The following ABHD5 variants were observed in gnomAD, a reference collection of about 807,000 sequenced individuals.
ABHD5 encodes abhydrolase domain containing 5, lysophosphatidic acid acyltransferase, also known as 1-acylglycerol-3-phosphate O-acyltransferase ABHD5.
A neutral mutation model predicts 44.9 loss-of-function variants in ABHD5; 30 were observed. That is an observed-to-expected ratio of 0.67 (90% CI 0.50 to 0.91). ABHD5 has a LOEUF of 0.91. Ranked by LOEUF, ABHD5 falls within the 40% of genes least tolerant of loss-of-function variation. The probability of loss-of-function intolerance (pLI) is 0.00; values close to 1 mark genes in which losing one functional copy is unlikely to be tolerated. For missense variants in ABHD5, 399 were observed against 423.4 expected, an observed-to-expected ratio of 0.94 and a Z score of 0.50; for synonymous variants, 167 against 147.0, an observed-to-expected ratio of 1.14 and a Z score of -0.99.
intron 1 of ABHD5, chr3:43,691,452 T>A (rs2084381780): frequency 1.3e-5 from 2 of 158,028 alleles, no homozygotes; most frequent in African/African-American, 2.4e-5. Context: ...TGCACCTGAC[T>A]GCGAGGCGCG....
At chr3:43,696,567 T>G (rs1015816886) in intron 1 of ABHD5, among the ~76,000 whole-genome samples, 1 of 152,120 alleles carries the variant, frequency 6.6e-6, no homozygotes, top group African/African-American at 2.4e-5. Context: ...GATGGGTAAG[T>G]TTTAAAGGGT....
In ABHD5 at chr3:43,719,665, A is replaced by G. The variant is rs1421382467; in HGVS notation, c.*1133A>G. On this transcript the variant is annotated 3_prime_UTR_variant, in exon 7 of 7. Transcript: ENST00000644371. ...TTGAACTATTTTTTTAGGAACTACC[A>G]TCAAGTGTAGCATTTTCTTGCAGTT... 1 of 152,228 alleles carries G rather than the reference A, an allele frequency of 6.6e-6. No individual in the cohort carries two copies. Among genetic ancestry groups the G allele is most frequent in the African/African-American group, 2.4e-5 (1 of 41,458 alleles). 9.4% of individuals were successfully genotyped at this position (152,228 alleles called of 1,614,324 possible).
chr3:43,719,764 C>T lies in ABHD5; in HGVS notation c.*1232C>T, dbSNP rs1484405244. On this transcript the variant is annotated 3_prime_UTR_variant, in exon 7 of 7. Transcript: ENST00000644371. ...ACTGGCTGCTGAGAAAACCCTTCAC[C>T]AAAAAAATAAATAAAAATTGAATAG... The T allele has an allele frequency of 6.6e-6, 1 of 151,912 alleles. No homozygotes were observed. Among genetic ancestry groups the T allele is most frequent in the African/African-American group, 2.4e-5 (1 of 41,354 alleles). The allele number at this position is 151,912 out of a possible 1,614,324, so 9.4% of individuals were successfully genotyped here. A position where few individuals can be genotyped will look rare whatever the true frequency, so the allele number is the denominator to read the frequency against.
chr3:43,711,452 C>G (rs551353908), intron 3 of ABHD5, among the ~76,000 whole-genome samples: 1 of 152,120 alleles, frequency 6.6e-6, no homozygotes, highest in Non-Finnish European at 1.5e-5. Context: ...CAGTTCTGTA[C>G]TCTATATATC....
At chr3:43,718,087 A>G (rs1165045144) in intron 6 of ABHD5, among the ~76,000 whole-genome samples, 1 of 152,202 alleles carries the variant, frequency 6.6e-6, no homozygotes, top group Non-Finnish European at 1.5e-5. Flanking sequence ...CCCTAGAGCC[A>G]CAGCATTAGG....
At chr3:43,690,886 A>G, upstream of ABHD5, 1 of 1,276,578 alleles carries the variant, frequency 7.8e-7, no homozygotes, top group Non-Finnish European at 1.0e-6. Context: ...CGGAAGACGC[A>G]TGCGCTGGCG....
rs146054985 is a variant in ABHD5, at chr3:43,732,963, C to T, written c.*30-917C>T. 2.4e-3 allele frequency among the ~76,000 whole-genome samples: 371 copies of T among 152,334 alleles called. 1 individual carries two copies. Among genetic ancestry groups the T allele is most frequent in the African/African-American group, 8.7e-3 (361 of 41,570 alleles). ...TTGGTAGCTGTCCATCTGCTGAAGG[C>T]CACCTTCAGTTTGTTTCCACGTGAA... On this transcript the variant is annotated intron_variant, in intron 7 of 7. Coordinates refer to the ABHD5 transcript ENST00000454293.
At chr3:43,715,105 G>GTGTA in intron 5 of ABHD5, 47 bp downstream of exon 5, 2 of 1,184,510 alleles carry the variant, frequency 1.7e-6, no homozygotes, top group African/African-American at 1.5e-5. Context: ...GTGTGTGTGT[G>GTGTA]TGTGTGTGTG....
intron 3 of ABHD5, among the ~76,000 whole-genome samples, chr3:43,704,384 A>G (rs1003306345): frequency 9.9e-5 from 15 of 152,082 alleles, no homozygotes; most frequent in Admixed American, 3.9e-4. Context: ...ACAAACACCT[A>G]TTTGCATTTA....
downstream of ABHD5, among the ~76,000 whole-genome samples, chr3:43,726,246 C>A (rs1473044061): frequency 6.6e-6 from 1 of 152,152 alleles, no homozygotes; most frequent in African/African-American, 2.4e-5. Flanking sequence ...GGCCAAGATA[C>A]CAGACACGAA....
chr3:43,714,137 C>CTTTTTTTTTTTTTTTTT (rs542982546), intron 4 of ABHD5, among the ~76,000 whole-genome samples: 2 of 136,890 alleles, frequency 1.5e-5, no homozygotes, highest in African/African-American at 5.6e-5. Context: ...TTCTTTTTTT[C>CTTTTTTTTTTTTTTTTT]TTTTTTTTTT....
At position 43,704,037 on chromosome 3, in the gene ABHD5, T is replaced by C. The variant is rs540547129; in HGVS notation, c.506+1450T>C. ...TGGGGTTACTTTCTTTATTTTCTTT[T>C]TTTTTTTTTTTTTTTTTTGAGCCGG... On this transcript the variant is annotated intron_variant, in intron 3 of 6. Transcript: ENST00000644371. 2.8e-3 allele frequency among the ~76,000 whole-genome samples: 364 copies of C among 131,016 alleles called. 2 individuals carry two copies. The highest frequency in any genetic ancestry group is 0.01 in the African/African-American group (353 of 34,816). The allele number at this position is 131,016 out of a possible 152,430, so 86.0% of individuals were successfully genotyped here.
chr3:43,692,550 C>T (rs1168710635), intron 1 of ABHD5, among the ~76,000 whole-genome samples: 2 of 152,168 alleles, frequency 1.3e-5, no homozygotes, highest in African/African-American at 2.4e-5. Context: ...GCTGATCAGC[C>T]ATAGTTTCTA....
chr3:43,709,697 C>T (rs758475361), intron 3 of ABHD5, among the ~76,000 whole-genome samples: 1 of 152,224 alleles, frequency 6.6e-6, no homozygotes, highest in African/African-American at 2.4e-5. Flanking sequence ...TCTACTCATA[C>T]CCCTGTTAGG....
rs186484499 is a variant in ABHD5 at position 43,720,771 on chromosome 3, A to G, written c.*2239A>G. On this transcript the variant is annotated 3_prime_UTR_variant, in exon 7 of 7. Coordinates refer to ENST00000644371, the MANE Select transcript of ABHD5 (RefSeq NM_016006.6). The stretch of plus-strand genomic sequence containing the variant: ...ATAATAGTTAACTACAGGACTGTGG[A>G]TCCAGCAAATGTTCAGTAAATGCTG... 5 of 152,338 alleles carry G rather than the reference A, an allele frequency of 3.3e-5. No homozygotes were observed. Among genetic ancestry groups the G allele is most frequent in the Admixed American group, 6.5e-5 (1 of 15,286 alleles). The allele number at this position is 152,338 out of a possible 1,614,324, so 9.4% of individuals were successfully genotyped here. A position where few individuals can be genotyped will look rare whatever the true frequency, so the allele number is the denominator to read the frequency against.
At chr3:43,701,695 C>G (rs1414493856) in intron 2 of ABHD5, among the ~76,000 whole-genome samples, 1 of 152,194 alleles carries the variant, frequency 6.6e-6, no homozygotes, top group Non-Finnish European at 1.5e-5. Flanking sequence ...TAAGGTTTCA[C>G]TTACATGTTT....
At chr3:43,708,213 G>A (rs1205751737) in intron 3 of ABHD5, among the ~76,000 whole-genome samples, 1 of 152,122 alleles carries the variant, frequency 6.6e-6, no homozygotes, top group East Asian at 1.9e-4. Context: ...TTTTTCTTGT[G>A]GTTTAAACCA....
At chr3:43,730,742 A>G (rs1575611686) in intron 7 of ABHD5, among the ~76,000 whole-genome samples, 1 of 152,124 alleles carries the variant, frequency 6.6e-6, no homozygotes, top group Non-Finnish European at 1.5e-5. Flanking sequence ...CTTGGGCTCA[A>G]TGATTCTCCT....
At chr3:43,729,018 G>A (rs961015903) in intron 7 of ABHD5, among the ~76,000 whole-genome samples, 7 of 152,212 alleles carry the variant, frequency 4.6e-5, no homozygotes, top group Admixed American at 2.6e-4. Context: ...TTAGCAAGGA[G>A]TAACAAAGAA....
Sources: gnomAD v4.1 joint callset for allele counts (sites outside exome capture counted in the v4.1 genomes callset) on GRCh38, gnomAD v4.1.1 for gene constraint, MANE v1.5 for transcripts, NCBI Gene and HGNC (gene_info 2026-07-23, HGNC 2026-07-21) for gene names.